Variants in CHRNA7 observed in about 807,000 individuals in gnomAD.
The protein encoded by CHRNA7 is cholinergic receptor nicotinic alpha 7 subunit.
CHRNA7 carries 17 observed loss-of-function variants against 48.0 expected under a neutral mutation model. The ratio of observed to expected loss-of-function variants is 0.35; its 90% CI spans 0.24 to 0.53. CHRNA7 has a LOEUF of 0.53. CHRNA7 is among the 20% of genes least tolerant of loss of function. The pLI is 0.92. For synonymous variants in CHRNA7, 75 were observed against 242.3 expected, an observed-to-expected ratio of 0.31 and a Z score of 6.41; for missense variants, 155 against 577.7, an observed-to-expected ratio of 0.27 and a Z score of 7.50.
chr15:32,033,549 CTAATT>C (rs1901943951), intron 2 of CHRNA7, among the ~76,000 whole-genome samples: 1 of 152,226 alleles, frequency 6.6e-6, no homozygotes, highest in African/African-American at 2.4e-5. Context: ...TGAATTGTAA[CTAATT>C]TAATGTGACT....
intron 4 of CHRNA7, among the ~76,000 whole-genome samples, chr15:32,116,288 T>G (rs545226882): frequency 4.2e-4 from 64 of 152,316 alleles, no homozygotes; most frequent in African/African-American, 1.5e-3. Context: ...CACTATTGCT[T>G]TTTGAGATAT....
At chr15:32,146,092 A>G (rs981495255) in intron 4 of CHRNA7, among the ~76,000 whole-genome samples, 7 of 152,230 alleles carry the variant, frequency 4.6e-5, no homozygotes, top group Non-Finnish European at 8.8e-5. Context: ...TCAGCATAAC[A>G]AAGTCTAGCA....
chr15:32,033,408 G>C (rs531895205), intron 2 of CHRNA7, among the ~76,000 whole-genome samples: 1 of 152,310 alleles, frequency 6.6e-6, no homozygotes, highest in African/African-American at 2.4e-5. Flanking sequence ...ACATGCCCAA[G>C]GTCACTCTGT....
chr15:32,120,307 C>A (rs1235540119), intron 4 of CHRNA7, among the ~76,000 whole-genome samples: 1 of 152,158 alleles, frequency 6.6e-6, no homozygotes, highest in Non-Finnish European at 1.5e-5. Flanking sequence ...GATCCCCTTT[C>A]CCTCCCTCTG....
intron 4 of CHRNA7, among the ~76,000 whole-genome samples, chr15:32,129,888 T>C (rs1209601656): frequency 6.6e-6 from 1 of 151,970 alleles, no homozygotes; most frequent in Non-Finnish European, 1.5e-5. Context: ...ATGTCATACA[T>C]ATTGATACAT....
At chr15:32,033,557 A>G (rs1054479738) in intron 2 of CHRNA7, among the ~76,000 whole-genome samples, 2 of 152,236 alleles carry the variant, frequency 1.3e-5, no homozygotes, top group African/African-American at 4.8e-5. Context: ...AACTAATTTA[A>G]TGTGACTTTC....
At chr15:32,096,247 G>T (rs947937510) in intron 2 of CHRNA7, among the ~76,000 whole-genome samples, 4 of 152,150 alleles carry the variant, frequency 2.6e-5, no homozygotes, top group Admixed American at 6.5e-5. Flanking sequence ...TTATTTTCAG[G>T]TATCGTCAAT....
intron 4 of CHRNA7, among the ~76,000 whole-genome samples, chr15:32,147,240 A>G (rs1034435707): frequency 4.6e-5 from 7 of 152,174 alleles, no homozygotes; most frequent in African/African-American, 1.7e-4. Flanking sequence ...GACACTGGAG[A>G]CTACTGTAGG....
chr15:32,049,490 A>G (rs532980162), intron 2 of CHRNA7, among the ~76,000 whole-genome samples: 3 of 151,700 alleles, frequency 2.0e-5, no homozygotes, highest in East Asian at 3.9e-4. Context: ...TTTGTTTTCC[A>G]TTTGCTTGGT....
intron 4 of CHRNA7, among the ~76,000 whole-genome samples, chr15:32,152,513 G>C (rs1252006716): frequency 6.6e-6 from 1 of 152,216 alleles, no homozygotes; most frequent in Non-Finnish European, 1.5e-5. Flanking sequence ...GGCCGAGAGA[G>C]TGCGGGAAAC....
chr15:32,143,208 A>C (rs1287296949), intron 4 of CHRNA7, among the ~76,000 whole-genome samples: 1 of 152,230 alleles, frequency 6.6e-6, no homozygotes, highest in Non-Finnish European at 1.5e-5. Context: ...CCCGTTGTTC[A>C]GTTTCCATGT....
chr15:32,114,288 G>T (rs1595463273), intron 4 of CHRNA7, among the ~76,000 whole-genome samples: 1 of 152,054 alleles, frequency 6.6e-6, no homozygotes, highest in East Asian at 1.9e-4. Context: ...GATTCCAAAT[G>T]CTCTGGCTAA....
chr15:32,125,647 T>C lies in CHRNA7; in HGVS notation c.350+13748T>C, dbSNP rs74011117. ...CCATGTGCAGGATCTAGATCCTGCTTGCCTGGTTTGCTCTTCTGATTCGAT... is the reference window on the plus strand; with the variant it reads ...CCATGTGCAGGATCTAGATCCTGCTCGCCTGGTTTGCTCTTCTGATTCGAT... On this transcript the variant is annotated intron_variant, in intron 4 of 9. Coordinates refer to ENST00000306901, the MANE Select transcript of CHRNA7 (RefSeq NM_000746.6). Among the ~76,000 whole-genome samples, 1,273 of 152,324 alleles carry C rather than the reference T, an allele frequency of 8.4e-3. 23 individuals carry two copies. The highest frequency in any genetic ancestry group is 0.029 in the African/African-American group (1,214 of 41,570).
intron 3 of CHRNA7, among the ~76,000 whole-genome samples, chr15:32,106,070 C>T (rs1040718411): frequency 6.6e-6 from 1 of 152,206 alleles, no homozygotes; most frequent in African/African-American, 2.4e-5. Flanking sequence ...TTCTAAGCAA[C>T]CTTCCATTGA....
intron 2 of CHRNA7, among the ~76,000 whole-genome samples, chr15:32,084,551 G>A (rs948347738): frequency 6.6e-6 from 1 of 152,186 alleles, no homozygotes; most frequent in African/African-American, 2.4e-5. Flanking sequence ...TGAAGCTTTG[G>A]CATATCATGT....
intron 3 of CHRNA7, among the ~76,000 whole-genome samples, chr15:32,105,126 A>C (rs1028807858): frequency 5.9e-5 from 9 of 152,328 alleles, no homozygotes; most frequent in South Asian, 2.1e-4. Flanking sequence ...AGCACAGCTA[A>C]TTTTAATTAA....
chr15:32,033,736 G>T (rs755707858), intron 2 of CHRNA7, among the ~76,000 whole-genome samples: 10 of 152,212 alleles, frequency 6.6e-5, no homozygotes, highest in Non-Finnish European at 1.5e-4. Flanking sequence ...AAGGCTTCGT[G>T]TGGCAAAATC....
chr15:32,082,247 T>G (rs1427654608), intron 2 of CHRNA7, among the ~76,000 whole-genome samples: 1 of 152,146 alleles, frequency 6.6e-6, no homozygotes, highest in Non-Finnish European at 1.5e-5. Context: ...TCTGTGTCTT[T>G]TATCAAATTT....
At chr15:32,120,236 C>G (rs568864265) in intron 4 of CHRNA7, among the ~76,000 whole-genome samples, 9 of 152,084 alleles carry the variant, frequency 5.9e-5, no homozygotes, top group Non-Finnish European at 8.8e-5. Context: ...GCCAGTCTCT[C>G]GACACATCAG....
Sources: allele counts gnomAD v4.1 joint callset (sites outside exome capture counted in the v4.1 genomes callset), GRCh38; gene constraint gnomAD v4.1.1; transcripts MANE v1.5; gene names NCBI Gene and HGNC (gene_info 2026-07-23, HGNC 2026-07-21).